KIAA2012: variants seen among roughly 807,000 people sequenced by gnomAD.
KIAA2012 encodes uncharacterized protein KIAA2012.
In KIAA2012, 125 loss-of-function variants were observed where a neutral mutation model predicts 150.6. The ratio of observed to expected loss-of-function variants is 0.83; its 90% CI spans 0.72 to 0.96. KIAA2012 has a LOEUF of 0.96. Ranked by LOEUF, KIAA2012 falls within the 40% of genes least tolerant of loss-of-function variation. The pLI, the probability that KIAA2012 is intolerant of heterozygous loss-of-function variation, is 0.00. For missense variants in KIAA2012, 1,219 were observed against 1,354.9 expected, an observed-to-expected ratio of 0.90 and a Z score of 1.57; for synonymous variants, 462 against 504.7, an observed-to-expected ratio of 0.92 and a Z score of 1.13.
intron 11 of KIAA2012, among the ~76,000 whole-genome samples, chr2:202,118,747 T>C (rs1690587404): frequency 6.6e-6 from 1 of 152,202 alleles, no homozygotes; most frequent in African/African-American, 2.4e-5. Flanking sequence ...TAGCTGCATT[T>C]GTCCCAGCCT....
intron 14 of KIAA2012, among the ~76,000 whole-genome samples, chr2:202,161,796 C>G (rs1439184773): frequency 6.6e-6 from 1 of 152,136 alleles, no homozygotes; most frequent in African/African-American, 2.4e-5. Flanking sequence ...CCCCCGGTGC[C>G]TATCTCGGTA....
rs533518418 is a variant in KIAA2012, at chr2:202,089,974, G to A, written c.370-796G>A. Among the ~76,000 whole-genome samples, 4 of 152,320 alleles carry A rather than the reference G, an allele frequency of 2.6e-5. No homozygotes were observed. In the East Asian group the frequency reaches 7.7e-4, roughly 29 times the overall value. ...AAAATGGATTCTGAGATCACCTTCA[G>A]TTCAGCAGTCAAGAATCCTGTGATT... On this transcript the variant is annotated intron_variant, in intron 2 of 23. Transcript: ENST00000498697.
intron 7 of KIAA2012, among the ~76,000 whole-genome samples, 158 bp from the exon 8 acceptor site, chr2:202,102,788 G>A (rs1000276008): frequency 6.6e-6 from 1 of 152,132 alleles, no homozygotes; most frequent in Non-Finnish European, 1.5e-5. Flanking sequence ...AGACCAAGTG[G>A]CACCACTGAA....
At chr2:202,157,281 G>A (rs747085476) in intron 14 of KIAA2012, among the ~76,000 whole-genome samples, 3 of 152,220 alleles carry the variant, frequency 2.0e-5, no homozygotes, top group Non-Finnish European at 2.9e-5. Context: ...CACAGTCTCA[G>A]GGTAGTACAG....
At chr2:202,176,735 G>T (rs569690184) in intron 15 of KIAA2012, among the ~76,000 whole-genome samples, 8 of 151,790 alleles carry the variant, frequency 5.3e-5, no homozygotes, top group Non-Finnish European at 1.2e-4. Context: ...CAAATAAATG[G>T]CCATAGAGAA....
In KIAA2012 at chr2:202,190,232, GA is replaced by G; in HGVS notation, c.2554del (p.Arg852GlyfsTer10). On this transcript the variant is annotated frameshift_variant, in exon 19 of 24. Transcript: ENST00000498697. LOFTEE classifies it high-confidence loss of function. ...KLEKKTRPQR[K>X]RTQKERNLEI... Reference sequence around the variant, plus strand: ...TAGAAAAAAAAACAAGACCCCAAAGGAAAAGGACACAGAAGGAAAGAAATCT... The same window carrying G: ...TAGAAAAAAAAACAAGACCCCAAAGGAAAGGACACAGAAGGAAAGAAATCT... 1 of 1,539,012 alleles carries G rather than the reference GA, an allele frequency of 6.5e-7. No individual in the cohort carries two copies. Among genetic ancestry groups the G allele is most frequent in the Admixed American group, 2.1e-5 (1 of 47,698 alleles).
chr2:202,139,234 GAAAAAAAA>G (rs112360052), intron 13 of KIAA2012, among the ~76,000 whole-genome samples: 2 of 116,366 alleles, frequency 1.7e-5, no homozygotes, highest in East Asian at 4.9e-4. Context: ...CCTGTCTCAG[GAAAAAAAA>G]AAAAAAAAAA....
intron 13 of KIAA2012, among the ~76,000 whole-genome samples, chr2:202,146,762 G>T (rs1440862337): frequency 1.3e-5 from 2 of 151,886 alleles, no homozygotes; most frequent in African/African-American, 2.4e-5. Context: ...TCATACGACC[G>T]CACTCCAGTC....
chr2:202,162,468 T>G (rs576230291), intron 14 of KIAA2012, among the ~76,000 whole-genome samples: 1 of 152,040 alleles, frequency 6.6e-6, no homozygotes, highest in East Asian at 1.9e-4. Flanking sequence ...AGAGACAGGA[T>G]TTCACCATGT....
intron 11 of KIAA2012, 26 bp downstream of exon 11, chr2:202,113,472 C>A: frequency 6.9e-7 from 1 of 1,459,706 alleles, no homozygotes; most frequent in Non-Finnish European, 9.2e-7. Flanking sequence ...CCAGGGCAGC[C>A]TTGTTTTTTT....
chr2:202,139,029 G>A (rs991111070), intron 13 of KIAA2012, among the ~76,000 whole-genome samples: 1 of 152,072 alleles, frequency 6.6e-6, no homozygotes, highest in African/African-American at 2.4e-5. Flanking sequence ...CTGAGGTCAG[G>A]AGTTCGAGAC....
chr2:202,172,529 A>C (rs1469637973), intron 15 of KIAA2012, among the ~76,000 whole-genome samples: 1 of 152,254 alleles, frequency 6.6e-6, no homozygotes, highest in Non-Finnish European at 1.5e-5. Context: ...ATCGTGCATG[A>C]CAACTAATTA....
At chr2:202,107,711 C>T (rs1387764993) in intron 9 of KIAA2012, among the ~76,000 whole-genome samples, 1 of 151,950 alleles carries the variant, frequency 6.6e-6, no homozygotes, top group Non-Finnish European at 1.5e-5. Flanking sequence ...AAGAAAGGGA[C>T]CTAAAGAGGC....
intron 7 of KIAA2012, among the ~76,000 whole-genome samples, chr2:202,101,037 G>A (rs561176236): frequency 9.2e-5 from 14 of 152,310 alleles, no homozygotes; most frequent in African/African-American, 2.4e-4. Flanking sequence ...AAGGGCCCCC[G>A]GATGTTCTGC....
At chr2:202,161,930 C>T (rs573780698) in intron 14 of KIAA2012, among the ~76,000 whole-genome samples, 2 of 152,268 alleles carry the variant, frequency 1.3e-5, no homozygotes, top group African/African-American at 4.8e-5. Context: ...GTTTTGCTCA[C>T]TCACCAAGTA....
In KIAA2012 at chr2:202,073,496, A is replaced by G. The variant is rs1397308838; in HGVS notation, c.-132A>G. On this transcript the variant is annotated 5_prime_UTR_variant, in exon 1 of 24. Transcript: ENST00000498697. ...AAGCTGCTGCGAGAGGGAAAAATGTATTTAATAAAAGGCCCTGTGTTTGTG... is the reference window on the plus strand; with the variant it reads ...AAGCTGCTGCGAGAGGGAAAAATGTGTTTAATAAAAGGCCCTGTGTTTGTG... 1.5e-6 allele frequency: 1 copy of G among 684,812 alleles called. No individual in the cohort carries two copies. The highest frequency in any genetic ancestry group is 2.5e-6 in the Non-Finnish European group (1 of 404,156). 42.4% of individuals were successfully genotyped at this position (684,812 alleles called of 1,614,324 possible).
chr2:202,193,594 C>G, intron 20 of KIAA2012, 91 bp downstream of exon 20: 4 of 1,307,190 alleles, frequency 3.1e-6, no homozygotes, highest in Non-Finnish European at 3.2e-6. Flanking sequence ...ATGTTTGGTT[C>G]TGAGGCTCAT....
intron 9 of KIAA2012, among the ~76,000 whole-genome samples, chr2:202,109,183 T>C (rs1690279357): frequency 6.6e-6 from 1 of 152,230 alleles, no homozygotes; most frequent in Admixed American, 6.5e-5. Context: ...GCTCTAAAGC[T>C]GGGATCTCCC....
chr2:202,140,260 C>A (rs11690066), intron 13 of KIAA2012, among the ~76,000 whole-genome samples: 101,131 of 152,032 alleles, frequency 0.67, 34,069 homozygotes, highest in African/African-American at 0.76. Context: ...AACCATGTCA[C>A]ATTAAATCCT....
Sources: gnomAD v4.1 joint callset for allele counts (sites outside exome capture counted in the v4.1 genomes callset) on GRCh38, gnomAD v4.1.1 for gene constraint, MANE v1.5 for transcripts, NCBI Gene and HGNC (gene_info 2026-07-23, HGNC 2026-07-21) for gene names.